The following IARS2 variants were observed in gnomAD, a reference collection of about 807,000 sequenced individuals.
IARS2 encodes the protein isoleucyl-tRNA synthetase 2, mitochondrial.
Under a neutral mutation model 126.3 loss-of-function variants are expected in IARS2, and 56 were observed. That is an observed-to-expected ratio of 0.44 (90% CI 0.36 to 0.55). The LOEUF (loss-of-function observed/expected upper bound fraction) is 0.55. IARS2 is among the 20% of genes least tolerant of loss of function. The probability of loss-of-function intolerance (pLI) is 0.00; values close to 1 mark genes in which losing one functional copy is unlikely to be tolerated. For missense variants in IARS2, 1,127 were observed against 1,245.9 expected, an observed-to-expected ratio of 0.90 and a Z score of 1.44; for synonymous variants, 407 against 441.1, an observed-to-expected ratio of 0.92 and a Z score of 0.97.
Position 220,136,927 on chromosome 1 carries a change from A to T in IARS2, c.2049+16A>T. ...TGGAGGACAAGTAGGTGATTCTCTA[A>T]AATGTATTTTATTTTCGTTTTAAGG... On this transcript the variant is annotated intron_variant, in intron 16 of 22. Transcript: ENST00000366922. The T allele has an allele frequency of 6.7e-7, 1 of 1,493,368 alleles. No homozygotes were observed. Among genetic ancestry groups the T allele is most frequent in the Non-Finnish European group, 9.3e-7 (1 of 1,076,336 alleles). The allele number at this position is 1,493,368 out of a possible 1,614,324, so 92.5% of individuals were successfully genotyped here.
intron 21 of IARS2, chr1:220,144,169 AT>A: frequency 1.3e-6 from 1 of 796,164 alleles, no homozygotes; most frequent in Non-Finnish European, 2.2e-6. Context: ...GTTCACAACA[AT>A]TTTCCCAGCT....
At chr1:220,134,682 G>C (rs1411907656) in intron 15 of IARS2, 172 bp downstream of exon 15, 5 of 403,906 alleles carry the variant, frequency 1.2e-5, no homozygotes, top group Non-Finnish European at 2.2e-5. Context: ...TGTCTTGTGA[G>C]TGTGATGCAG....
Position 220,142,793 on chromosome 1 carries a change from A to G in IARS2, c.2561-151A>G, listed in dbSNP as rs577333844. The G allele has an allele frequency of 4.6e-5, 21 of 454,628 alleles. No individual in the cohort carries two copies. The East Asian group carries it at 7.2e-4, about 16-fold the overall frequency. The allele number at this position is 454,628 out of a possible 1,614,324, so 28.2% of individuals were successfully genotyped here. ...TCCAATGCTGATATAAATGTTTTGT[A>G]AATAATTAGGATGGATCCATAATAT... On this transcript the variant is annotated intron_variant, in intron 20 of 22. Transcript: ENST00000366922.
Position 220,138,015 on chromosome 1 carries a change from T to C in IARS2, c.2147T>C (p.Leu716Pro), listed in dbSNP as rs1657413885. Residue 716 changes from leucine (L) to proline (P), a missense_variant, in exon 17 of 23, where the codon CTC becomes CCC. Leu to Pro is a moderately conservative substitution (Grantham distance 98). Coordinates refer to ENST00000366922, the MANE Select transcript of IARS2 (RefSeq NM_018060.4). ...GAAGTTGCAATTGGCCCATCCGTGCTCAATGCTGCCAGAGATGATATTAGC... is the reference window on the plus strand; with the variant it reads ...GAAGTTGCAATTGGCCCATCCGTGCCCAATGCTGCCAGAGATGATATTAGC... The part of the protein sequence containing the change: ...FTEVAIGPSV[L>P]NAARDDISKL... The C allele has an allele frequency of 1.2e-6, 2 of 1,614,176 alleles. No homozygotes were observed. Among genetic ancestry groups the C allele is most frequent in the Non-Finnish European group, 1.7e-6 (2 of 1,180,008 alleles).
chr1:220,136,721 C>G (rs1015865609), intron 15 of IARS2, 88 bp from the exon 16 acceptor site: 2 of 492,788 alleles, frequency 4.1e-6, no homozygotes, highest in Non-Finnish European at 7.1e-6. Flanking sequence ...TTGTGTCAAA[C>G]TTAGATACTC....
Position 220,102,312 on chromosome 1 carries a change from A to G in IARS2, c.699+35A>G, listed in dbSNP as rs1054248277. 3.1e-6 allele frequency: 5 copies of G among 1,606,770 alleles called. No individual in the cohort carries two copies. In the African/African-American group the frequency reaches 5.4e-5, roughly 17 times the overall value. Reference sequence around the variant, plus strand: ...TATTTTTTCTCTTTGAGTAGGTTTTAGTATGCGTTACAAGATTCTACTTTT... The same window carrying G: ...TATTTTTTCTCTTTGAGTAGGTTTTGGTATGCGTTACAAGATTCTACTTTT... On this transcript the variant is annotated intron_variant, in intron 4 of 22. Coordinates refer to ENST00000366922, the MANE Select transcript of IARS2 (RefSeq NM_018060.4).
rs537949871 is a variant in IARS2 at position 220,136,332 on chromosome 1, A to G, written c.1947-477A>G. Among the ~76,000 whole-genome samples the G allele has an allele frequency of 2.6e-5, 4 of 152,300 alleles. No homozygotes were observed. In the East Asian group the frequency reaches 7.7e-4, roughly 29 times the overall value. On this transcript the variant is annotated intron_variant, in intron 15 of 22. Coordinates refer to ENST00000366922, the MANE Select transcript of IARS2 (RefSeq NM_018060.4). ...TTTTTAGTGGAGACAGGGTTTCACC[A>G]TGTTGGCCAGGCTGGCCTCGAGCTC...
At chr1:220,145,752 T>A (rs1657573574) in intron 22 of IARS2, 99 bp downstream of exon 22, 1 of 961,344 alleles carries the variant, frequency 1.0e-6, no homozygotes, top group Non-Finnish European at 1.5e-6. Context: ...TAAAGGTAGA[T>A]ATATACTTGG....
chr1:220,146,330 C>T (rs1657586811), intron 22 of IARS2, among the ~76,000 whole-genome samples: 1 of 151,882 alleles, frequency 6.6e-6, no homozygotes, highest in Non-Finnish European at 1.5e-5. Context: ...TCCTGGCTAA[C>T]ACAGTGAAAC....
intron 15 of IARS2, among the ~76,000 whole-genome samples, chr1:220,135,121 G>A (rs1657346862): frequency 6.6e-6 from 1 of 152,116 alleles, no homozygotes; most frequent in African/African-American, 2.4e-5. Flanking sequence ...TGTAGGGAAG[G>A]ATATTCAAGG....
Position 220,094,191 on chromosome 1 carries a change from A to AC in IARS2, c.-22dup. ...CTTCAAGCTGGGGCGGGAGCGGAGG[A>AC]CCCCGCTCTCAGGGGTTGCCGGACC... On this transcript the variant is annotated 5_prime_UTR_variant, in exon 1 of 23. Coordinates refer to ENST00000366922, the MANE Select transcript of IARS2 (RefSeq NM_018060.4). 2.0e-6 allele frequency: 3 copies of AC among 1,526,180 alleles called. No homozygotes were observed. The highest frequency in any genetic ancestry group is 2.6e-6 in the Non-Finnish European group (3 of 1,141,808). The allele number at this position is 1,526,180 out of a possible 1,614,324, so 94.5% of individuals were successfully genotyped here.
chr1:220,122,787 T>C (rs1657075057), intron 12 of IARS2, among the ~76,000 whole-genome samples: 1 of 152,200 alleles, frequency 6.6e-6, no homozygotes, highest in Non-Finnish European at 1.5e-5. Context: ...ATCCTAACAT[T>C]TCTACCGTAT....
rs1191694720 is a variant in IARS2, at chr1:220,094,360, C to T, written c.144C>T (p.Ala48=). 1 of 1,612,980 alleles carries T rather than the reference C, an allele frequency of 6.2e-7. No homozygotes were observed. Among genetic ancestry groups the T allele is most frequent in the Non-Finnish European group, 8.5e-7 (1 of 1,179,704 alleles). The change falls in exon 1 of 23, where the codon GCC becomes GCT. Residue 48 remains alanine, a synonymous_variant. Coordinates refer to ENST00000366922, the MANE Select transcript of IARS2 (RefSeq NM_018060.4). The part of the protein sequence containing the change: ...KRLLVRSVSG[A]SNHQPNSNSG... ...TTCTGGTGCGGTCGGTCTCCGGGGC[C>T]AGTAACCACCAGCCGAACTCGAATA... is the stretch of plus-strand genomic sequence containing the variant.
At position 220,094,380 on chromosome 1, in the gene IARS2, C is replaced by T; in HGVS notation, c.164C>T (p.Ser55Leu). The change falls in exon 1 of 23, where the codon TCG (serine) becomes TTG (leucine). Residue 55 changes from serine to leucine, a missense_variant. Ser to Leu is a moderately radical substitution (Grantham distance 145, BLOSUM62 -2). Coordinates refer to ENST00000366922, the MANE Select transcript of IARS2 (RefSeq NM_018060.4). Reference protein sequence around the residue: ...VSGASNHQPNSNSGRYRDTVL... With the variant: ...VSGASNHQPNLNSGRYRDTVL... ...GGGGCCAGTAACCACCAGCCGAACT[C>T]GAATAGTGGCAGATACCGGGACACG... 2 of 1,613,138 alleles carry T rather than the reference C, an allele frequency of 1.2e-6. No homozygotes were observed. Among genetic ancestry groups the T allele is most frequent in the South Asian group, 1.1e-5 (1 of 91,064 alleles).
chr1:220,103,746 A>G (rs1656627816), intron 8 of IARS2, among the ~76,000 whole-genome samples, 184 bp downstream of exon 8: 1 of 152,254 alleles, frequency 6.6e-6, no homozygotes, highest in Admixed American at 6.5e-5. Flanking sequence ...ATAGAAAAAT[A>G]TGAATATTGA....
intron 3 of IARS2, among the ~76,000 whole-genome samples, chr1:220,101,729 C>G (rs1041583844): frequency 6.8e-6 from 1 of 145,996 alleles, no homozygotes; most frequent in South Asian, 2.2e-4. Context: ...GCTCGGGCGC[C>G]GTGGCTCACG....
intron 10 of IARS2, 65 bp downstream of exon 10, chr1:220,107,216 A>T (rs1463141540): frequency 9.9e-7 from 1 of 1,013,714 alleles, no homozygotes; most frequent in Non-Finnish European, 1.6e-6. Context: ...AACCTTTGCT[A>T]CCTATTTTCC....
intron 21 of IARS2, 139 bp downstream of exon 21, chr1:220,143,273 C>G: frequency 2.1e-6 from 1 of 467,240 alleles, no homozygotes; most frequent in Non-Finnish European, 3.7e-6. Flanking sequence ...CTATTATGTT[C>G]CTTTTCACAT....
rs1657458147 is a variant in IARS2, at chr1:220,140,254, G to A, written c.2379G>A (p.Glu793=). 1 of 1,609,594 alleles carries A rather than the reference G, an allele frequency of 6.2e-7. No individual in the cohort carries two copies. ...TGTTACGGACGTTTTATACCAGAGAGCTCTCTAACTTTTATTTCAGTATAA... is the reference window on the plus strand; with the variant it reads ...TGTTACGGACGTTTTATACCAGAGAACTCTCTAACTTTTATTTCAGTATAA... ...VRLLRTFYTR[E]LSNFYFSIIK... is the part of the protein sequence containing the mutation. The change falls in exon 19 of 23, where the codon GAG becomes GAA. Residue 793 remains glutamate, a synonymous_variant. Coordinates refer to ENST00000366922, the MANE Select transcript of IARS2 (RefSeq NM_018060.4).
Sources: gnomAD v4.1 joint callset for allele counts (sites outside exome capture counted in the v4.1 genomes callset) on GRCh38, gnomAD v4.1.1 for gene constraint, MANE v1.5 for transcripts, NCBI Gene and HGNC (gene_info 2026-07-23, HGNC 2026-07-21) for gene names.